Variants in MED23 observed in about 807,000 individuals in gnomAD.
The protein encoded by MED23 is mediator of RNA polymerase II transcription subunit 23.
In MED23, 105 loss-of-function variants were observed where a neutral mutation model predicts 163.9. The observed-to-expected ratio is 0.64, with a 90% CI of 0.55 to 0.75. The LOEUF (loss-of-function observed/expected upper bound fraction) is 0.75, where lower values mean the gene tolerates loss of function less well. Among genes scored for constraint, MED23 ranks in the 30% least tolerant of loss-of-function variants. MED23 has a pLI of 0.00. For missense variants in MED23, 1,054 were observed against 1,649.0 expected (o/e 0.64, Z 6.25); for synonymous variants, 561 against 565.6 (o/e 0.99, Z 0.12).
In MED23 at chr6:131,610,184, C is replaced by T. The variant is rs758709408; in HGVS notation, c.939G>A (p.Glu313=). Residue 313 remains glutamate (E), a synonymous_variant, in exon 11 of 29, where the codon GAG becomes GAA. Coordinates refer to ENST00000368068, the MANE Select transcript of MED23 (RefSeq NM_004830.4). ...CAAACTTCTCCTCGGTCTCAGATCG[C>T]TCCATGGCATAAACAACCAGATCCA... ...QLVDLVVYAM[E]RSETEEKFDD... is the part of the protein sequence containing the mutation. The T allele has an allele frequency of 1.2e-6, 2 of 1,613,998 alleles. No individual in the cohort carries two copies. Among genetic ancestry groups the T allele is most frequent in the South Asian group, 1.1e-5 (1 of 91,088 alleles).
Position 131,621,924 on chromosome 6 carries a change from G to A in MED23, c.452C>T (p.Thr151Ile), listed in dbSNP as rs143799081. ...ILEKILTIPNTVSSAVVQQLL... is the reference protein window; with the variant it reads ...ILEKILTIPNIVSSAVVQQLL... ...CTGCTGTACAACAGCAGAGCTCACT[G>A]TATTAGGAATTGTCAAAATCTTCTC... The change falls in exon 6 of 29, where the codon ACA (threonine) becomes ATA (isoleucine). Residue 151 changes from threonine (T) to isoleucine (I), a missense_variant. By Grantham distance (89) the Thr-to-Ile change is moderately conservative (BLOSUM62 -1). This residue lies in a region of MED23 where 227 missense variants were observed against 235.5 expected (regional missense o/e 0.96). Coordinates refer to ENST00000368068, the MANE Select transcript of MED23 (RefSeq NM_004830.4). The A allele has an allele frequency of 3.3e-5, 54 of 1,613,740 alleles. No individual in the cohort carries two copies. In the South Asian group the frequency reaches 4.7e-4, roughly 14 times the overall value.
chr6:131,584,623 C>A (rs902920385), downstream of MED23, among the ~76,000 whole-genome samples: 3 of 151,930 alleles, frequency 2.0e-5, no homozygotes, highest in Non-Finnish European at 4.4e-5. Context: ...TTTTTCTAAA[C>A]CTCAAACATG....
At chr6:131,625,632 T>C (rs1777431595) in intron 3 of MED23, among the ~76,000 whole-genome samples, 1 of 152,336 alleles carries the variant, frequency 6.6e-6, no homozygotes, top group African/African-American at 2.4e-5. Flanking sequence ...TGGAAATACC[T>C]ATTTTCTTCC....
rs142483917 is a variant in MED23, at chr6:131,618,037, C to G, written c.780+370G>C. 4.3e-4 allele frequency among the ~76,000 whole-genome samples: 65 copies of G among 152,262 alleles called. 2 individuals are homozygous for G. The highest frequency in any genetic ancestry group is 1.5e-3 in the African/African-American group (64 of 41,574). On this transcript the variant is annotated intron_variant, in intron 9 of 28. Transcript: ENST00000368068. ...TTTCCAAATTTGGAAAGACAAATAACTTGATAGCACAGGTGTTAAGAGTGT... is the reference window on the plus strand; with the variant it reads ...TTTCCAAATTTGGAAAGACAAATAAGTTGATAGCACAGGTGTTAAGAGTGT...
At chr6:131,607,691 T>C (rs1365936650) in intron 12 of MED23, among the ~76,000 whole-genome samples, 2 of 152,142 alleles carry the variant, frequency 1.3e-5, no homozygotes, top group Non-Finnish European at 2.9e-5. Flanking sequence ...AAAAAATAGC[T>C]ATTAATAAAG....
rs774900904 is a variant in MED23, at chr6:131,589,609, T to C, written c.3808-13A>G. 1.2e-6 allele frequency: 2 copies of C among 1,612,820 alleles called. No homozygotes were observed. The highest frequency in any genetic ancestry group is 8.5e-7 in the Non-Finnish European group (1 of 1,179,234). ...ACGCCACACCAATCTATTTAACAAA[T>C]AATGTAAAATTATTTAAGTGATCAA... On this transcript the variant is annotated splice_polypyrimidine_tract_variant and intron_variant, in intron 27 of 28. Coordinates refer to ENST00000368068, the MANE Select transcript of MED23 (RefSeq NM_004830.4).
intron 11 of MED23, among the ~76,000 whole-genome samples, chr6:131,609,209 T>C (rs1053762388): frequency 6.6e-6 from 1 of 152,192 alleles, no homozygotes; most frequent in East Asian, 1.9e-4. Context: ...CATATGATGA[T>C]GCCATTCTCC....
intron 17 of MED23, among the ~76,000 whole-genome samples, chr6:131,601,894 G>C (rs1282326259): frequency 6.6e-6 from 1 of 151,636 alleles, no homozygotes; most frequent in Non-Finnish European, 1.5e-5. Context: ...AATATCCATA[G>C]ATATAATCCA....
Position 131,598,218 on chromosome 6 carries a change from T to C in MED23, c.2607+69A>G, listed in dbSNP as rs1387025897. On this transcript the variant is annotated intron_variant, in intron 20 of 28. Coordinates refer to ENST00000368068, the MANE Select transcript of MED23 (RefSeq NM_004830.4). This position sits in a 1 kb window ranked among gnomAD's most constrained non-coding sequence, Gnocchi z 4.7. ...ATCCTTCAAAGCAATATAGAGCAGATTGGCATAACATATATTAGTCATACA... is the reference window on the plus strand; with the variant it reads ...ATCCTTCAAAGCAATATAGAGCAGACTGGCATAACATATATTAGTCATACA... 1.4e-6 allele frequency: 2 copies of C among 1,414,620 alleles called. No individual in the cohort carries two copies. The highest frequency in any genetic ancestry group is 2.0e-6 in the Non-Finnish European group (2 of 1,001,028). The allele number at this position is 1,414,620 out of a possible 1,614,324, so 87.6% of individuals were successfully genotyped here.
chr6:131,605,161 A>G, intron 14 of MED23, 79 bp downstream of exon 14: 4 of 1,493,526 alleles, frequency 2.7e-6, no homozygotes, highest in South Asian at 1.2e-5. Context: ...TAATACGCAC[A>G]TAAAATCATG....
intron 17 of MED23, 125 bp from the exon 18 acceptor site, chr6:131,600,287 T>A (rs1775369200): frequency 1.1e-6 from 1 of 943,074 alleles, no homozygotes; most frequent in Non-Finnish European, 1.6e-6. Context: ...ACTGCTTAAC[T>A]AGTTATATTC....
intron 30 of MED23, chr6:131,581,319 A>G (rs535456448): frequency 6.2e-7 from 1 of 1,613,918 alleles, no homozygotes; most frequent in East Asian, 2.2e-5. Context: ...ACTGACAACC[A>G]CAAGTGGAAA....
chr6:131,615,535 A>AAAAAAAAAAAAAAAAG (rs1776619084), intron 10 of MED23, among the ~76,000 whole-genome samples: 1 of 142,870 alleles, frequency 7.0e-6, no homozygotes, highest in Non-Finnish European at 1.5e-5. Context: ...AAAAAAAAAA[A>AAAAAAAAAAAAAAAAG]TCAGCAAGAA....
chr6:131,597,475 CAAAAAAAAAAA>C (rs59083644), intron 20 of MED23, among the ~76,000 whole-genome samples: 4 of 53,754 alleles, frequency 7.4e-5, no homozygotes, highest in Non-Finnish European at 1.2e-4. Context: ...GACTCCATAT[CAAAAAAAAAAA>C]AAAAAAAAAA....
chr6:131,610,503 A>G (rs1776205073), intron 10 of MED23, among the ~76,000 whole-genome samples: 1 of 152,178 alleles, frequency 6.6e-6, no homozygotes, highest in Admixed American at 6.5e-5. Flanking sequence ...TATGGACATC[A>G]TTGTTTCAAT....
At chr6:131,590,621 G>C (rs1774535588) in intron 26 of MED23, among the ~76,000 whole-genome samples, 179 bp from the exon 27 acceptor site, 2 of 152,114 alleles carry the variant, frequency 1.3e-5, no homozygotes, top group South Asian at 2.1e-4. Context: ...ACTTTCACTT[G>C]ATTATTTTTA....
Position 131,600,119 on chromosome 6 carries a change from T to C in MED23, c.2139A>G (p.Lys713=). ...GSDSIQGTWC[K]DILQTIMSFT... ...AACTCATGATGGTCTGAAGTATGTC[T>C]TTACACCAAGTTCCCTGAATTGAAT... Residue 713 remains lysine, a synonymous_variant, in exon 18 of 29, where the codon AAA becomes AAG. Transcript: ENST00000368068. 1.2e-6 allele frequency: 2 copies of C among 1,613,264 alleles called. No homozygotes were observed. Among genetic ancestry groups the C allele is most frequent in the Non-Finnish European group, 1.7e-6 (2 of 1,179,284 alleles).
rs778144602 is a variant in MED23, at chr6:131,628,076, G to A, written c.-27C>T. 2 of 1,613,598 alleles carry A rather than the reference G, an allele frequency of 1.2e-6. No individual in the cohort carries two copies. The highest frequency in any genetic ancestry group is 2.7e-5 in the African/African-American group (2 of 74,910). On this transcript the variant is annotated 5_prime_UTR_variant, in exon 1 of 29. Transcript: ENST00000368068. ...TGTACTATCACCCCCGCCTTTCCAGGGTGCCCGGCAAGGCCCGGATCAGAC... is the reference window on the plus strand; with the variant it reads ...TGTACTATCACCCCCGCCTTTCCAGAGTGCCCGGCAAGGCCCGGATCAGAC...
chr6:131,609,493 A>G (rs1776102080), intron 11 of MED23, among the ~76,000 whole-genome samples: 1 of 138,898 alleles, frequency 7.2e-6, no homozygotes, highest in Admixed American at 7.2e-5. Flanking sequence ...GATATTTCTG[A>G]TAGAGACTAT....
Sources: gnomAD v4.1 joint callset for allele counts (sites outside exome capture counted in the v4.1 genomes callset) on GRCh38, gnomAD v4.1.1 for gene constraint, gnomAD v4.1.1 regional missense constraint, Gnocchi (gnomAD v3.1) non-coding constraint, MANE v1.5 for transcripts, NCBI Gene and HGNC (gene_info 2026-07-23, HGNC 2026-07-21) for gene names.